The following SCNN1G variants were observed in gnomAD, a reference collection of about 807,000 sequenced individuals.
SCNN1G encodes sodium channel epithelial 1 subunit gamma, also known as epithelial sodium channel subunit gamma.
SCNN1G carries 27 observed loss-of-function variants against 64.6 expected under a neutral mutation model. That is an observed-to-expected ratio of 0.42 (90% CI 0.31 to 0.58). SCNN1G has a LOEUF of 0.58. Ranked by LOEUF, SCNN1G falls within the 20% of genes least tolerant of loss-of-function variation. The probability of loss-of-function intolerance (pLI) is 0.18; values close to 1 mark genes in which losing one functional copy is unlikely to be tolerated. For synonymous variants in SCNN1G, 330 were observed against 314.2 expected (o/e 1.05, Z -0.53); for missense variants, 743 against 823.4 (o/e 0.90, Z 1.19).
Position 23,189,424 on chromosome 16 carries a change from C to A in SCNN1G, c.371C>A (p.Ala124Asp). Residue 124 changes from alanine to aspartate, a missense_variant, in exon 3 of 13, where the codon GCC becomes GAC. Transcript: ENST00000300061. ...GACTTGGAACAGGAGACCAGAGAGG[C>A]CCTGAAGTCCCTGTATGGCTTTCCA... is the stretch of plus-strand genomic sequence containing the variant. Reference protein sequence around the residue: ...LADLEQETREALKSLYGFPES... With the variant: ...LADLEQETREDLKSLYGFPES... 1 of 1,614,158 alleles carries A rather than the reference C, an allele frequency of 6.2e-7. No individual in the cohort carries two copies. Among genetic ancestry groups the A allele is most frequent in the Non-Finnish European group, 8.5e-7 (1 of 1,180,028 alleles).
intron 4 of SCNN1G, among the ~76,000 whole-genome samples, chr16:23,193,299 T>C (rs915660744): frequency 1.3e-5 from 2 of 152,116 alleles, no homozygotes; most frequent in Admixed American, 6.6e-5. Flanking sequence ...ACCTTTCACC[T>C]TTATGATAAC....
At chr16:23,198,100 G>A (rs1019820176) in intron 6 of SCNN1G, among the ~76,000 whole-genome samples, 20 of 152,148 alleles carry the variant, frequency 1.3e-4, no homozygotes, top group African/African-American at 4.8e-4. Flanking sequence ...AAGCCTAGTG[G>A]AAAGTCACTC....
chr16:23,185,128 C>G (rs559846435), intron 1 of SCNN1G, among the ~76,000 whole-genome samples: 125 of 152,350 alleles, frequency 8.2e-4, no homozygotes, highest in African/African-American at 2.9e-3. Flanking sequence ...TTCCATCCAG[C>G]TCCTCCACTA....
chr16:23,184,011 C>A (rs1343541074), intron 1 of SCNN1G, among the ~76,000 whole-genome samples: 1 of 152,212 alleles, frequency 6.6e-6, no homozygotes, highest in African/African-American at 2.4e-5. Context: ...GTGACAGCTG[C>A]AAAGTACTTA....
At chr16:23,200,080 C>A (rs1270250242) in intron 6 of SCNN1G, among the ~76,000 whole-genome samples, 1 of 152,254 alleles carries the variant, frequency 6.6e-6, no homozygotes, top group Non-Finnish European at 1.5e-5. Context: ...TTAATATCCC[C>A]AATTAAACTT....
At chr16:23,208,787 G>T (rs1425950970) in intron 6 of SCNN1G, among the ~76,000 whole-genome samples, 1 of 149,430 alleles carries the variant, frequency 6.7e-6, no homozygotes, top group African/African-American at 2.5e-5. Flanking sequence ...ACCAACGCTG[G>T]ATTGCAGTGG....
intron 6 of SCNN1G, among the ~76,000 whole-genome samples, chr16:23,208,626 C>G (rs1422288092): frequency 1.4e-5 from 2 of 138,034 alleles, no homozygotes; most frequent in Non-Finnish European, 3.1e-5. Context: ...CCCTCCCCTT[C>G]CCTTCCCGCC....
chr16:23,213,757 C>T (rs1476716623), intron 11 of SCNN1G, among the ~76,000 whole-genome samples: 1 of 152,206 alleles, frequency 6.6e-6, no homozygotes, highest in Non-Finnish European at 1.5e-5. Flanking sequence ...GTGCCAGGTG[C>T]TGTGTGAGGT....
chr16:23,201,446 C>A (rs1437004158), intron 6 of SCNN1G, among the ~76,000 whole-genome samples: 1 of 152,056 alleles, frequency 6.6e-6, no homozygotes, highest in Non-Finnish European at 1.5e-5. Context: ...TTCTGCTACA[C>A]CTAATTTAAG....
intron 6 of SCNN1G, among the ~76,000 whole-genome samples, chr16:23,198,714 C>T (rs1322242964): frequency 1.3e-5 from 2 of 151,614 alleles, no homozygotes; most frequent in East Asian, 1.9e-4. Context: ...ACTCCAGTCT[C>T]GGTGACAGAG....
At chr16:23,205,615 G>T (rs181734442) in intron 6 of SCNN1G, among the ~76,000 whole-genome samples, 1 of 151,746 alleles carries the variant, frequency 6.6e-6, no homozygotes, top group African/African-American at 2.4e-5. Context: ...CATGAGAATG[G>T]CTTACACCCG....
At position 23,204,845 on chromosome 16, in the gene SCNN1G, C is replaced by T. The variant is rs918631087; in HGVS notation, c.1078-4905C>T. Among the ~76,000 whole-genome samples the T allele has an allele frequency of 6.6e-5, 10 of 152,168 alleles. No individual in the cohort carries two copies. The East Asian group carries it at 1.4e-3, about 21-fold the overall frequency. On this transcript the variant is annotated intron_variant, in intron 6 of 12. Transcript: ENST00000300061. ...TTTTTTCACCGGGTACAGTGGCTCACGCCTATAATCCTAGTGCTTTGGGAG... is the reference window on the plus strand; with the variant it reads ...TTTTTTCACCGGGTACAGTGGCTCATGCCTATAATCCTAGTGCTTTGGGAG...
At chr16:23,188,018 T>TTC (rs150178588) in intron 2 of SCNN1G, among the ~76,000 whole-genome samples, 11 of 151,104 alleles carry the variant, frequency 7.3e-5, no homozygotes, top group African/African-American at 1.5e-4. Context: ...CCCTCCCTCC[T>TTC]TCTCTCTCTC....
intron 4 of SCNN1G, among the ~76,000 whole-genome samples, chr16:23,193,213 G>A (rs1264163296): frequency 6.6e-6 from 1 of 151,786 alleles, no homozygotes; most frequent in Admixed American, 6.6e-5. Flanking sequence ...AAGAACCATC[G>A]TTCTAAGGAA....
At chr16:23,214,135 C>A (rs1000237522) in intron 11 of SCNN1G, among the ~76,000 whole-genome samples, 1 of 152,216 alleles carries the variant, frequency 6.6e-6, no homozygotes, top group Non-Finnish European at 1.5e-5. Context: ...AGTACTGGCT[C>A]AGCCAATTAT....
chr16:23,192,621 C>A, intron 4 of SCNN1G, 79 bp downstream of exon 4: 2 of 1,200,370 alleles, frequency 1.7e-6, no homozygotes, highest in Non-Finnish European at 2.4e-6. Context: ...AACCTACAGC[C>A]TTGATGATAG....
chr16:23,202,696 C>T (rs541880736), intron 6 of SCNN1G, among the ~76,000 whole-genome samples: 6 of 152,226 alleles, frequency 3.9e-5, no homozygotes, highest in East Asian at 1.9e-4. Context: ...ATAGATTTCA[C>T]GGATATTATA....
intron 6 of SCNN1G, among the ~76,000 whole-genome samples, chr16:23,205,294 C>G (rs1368328301): frequency 6.6e-6 from 1 of 152,060 alleles, no homozygotes; most frequent in African/African-American, 2.4e-5. Flanking sequence ...AAAAAGCCTT[C>G]TAGAAGGGCC....
chr16:23,183,291 A>G (rs968441531), intron 1 of SCNN1G, among the ~76,000 whole-genome samples: 7 of 152,240 alleles, frequency 4.6e-5, no homozygotes, highest in African/African-American at 1.7e-4. Context: ...CTTCCGCCAC[A>G]GGACAGCGCC....
Sources: gnomAD v4.1 joint callset for allele counts (sites outside exome capture counted in the v4.1 genomes callset) on GRCh38, gnomAD v4.1.1 for gene constraint, MANE v1.5 for transcripts, NCBI Gene and HGNC (gene_info 2026-07-23, HGNC 2026-07-21) for gene names.